Variants in EZH2 observed in about 807,000 individuals in gnomAD.
EZH2 encodes enhancer of zeste 2 polycomb repressive complex 2 subunit.
A neutral mutation model predicts 98.4 loss-of-function variants in EZH2; 18 were observed. That is an observed-to-expected ratio of 0.18 (90% CI 0.13 to 0.27). The LOEUF (loss-of-function observed/expected upper bound fraction) is 0.27, where lower values mean the gene tolerates loss of function less well. EZH2 is among the 10% of genes least tolerant of loss of function. The probability of loss-of-function intolerance (pLI) is 1.00; values close to 1 mark genes in which losing one functional copy is unlikely to be tolerated. For missense variants in EZH2, 470 were observed against 935.1 expected (o/e 0.50, Z 6.49); for synonymous variants, 338 against 312.3 (o/e 1.08, Z -0.87).
At chr7:148,840,162 A>G (rs1812066780) in intron 3 of EZH2, among the ~76,000 whole-genome samples, 1 of 152,212 alleles carries the variant, frequency 6.6e-6, no homozygotes, top group African/African-American at 2.4e-5. Context: ...AAACATGCAT[A>G]TCATCTTGAT....
Position 148,807,578 on chromosome 7 carries a change from C to T in EZH2, c.*68G>A. ...AACTGCATGTTCTTTTTCTAAATTG[C>T]CCACAGTACTCGAGGTTCCTGAAGC... On this transcript the variant is annotated 3_prime_UTR_variant, in exon 20 of 20. Coordinates refer to ENST00000320356, the MANE Select transcript of EZH2 (RefSeq NM_004456.5). 3 of 1,244,458 alleles carry T rather than the reference C, an allele frequency of 2.4e-6. No homozygotes were observed. The highest frequency in any genetic ancestry group is 2.3e-6 in the Non-Finnish European group (2 of 865,860). The allele number at this position is 1,244,458 out of a possible 1,614,324, so 77.1% of individuals were successfully genotyped here.
At chr7:148,836,950 A>G in intron 3 of EZH2, 1 of 509,374 alleles carries the variant, frequency 2.0e-6, no homozygotes, top group South Asian at 1.5e-5. Flanking sequence ...GGCTGGTTCC[A>G]AGTAAAAACT....
intron 1 of EZH2, chr7:148,876,026 T>A (rs1381265373): frequency 3.3e-5 from 5 of 152,298 alleles, no homozygotes; most frequent in Admixed American, 3.3e-4. Context: ...TAGCTGGGCA[T>A]GGTGGTACAT....
At chr7:148,878,368 T>C (rs935338149) in intron 1 of EZH2, among the ~76,000 whole-genome samples, 2 of 152,354 alleles carry the variant, frequency 1.3e-5, no homozygotes, top group South Asian at 2.1e-4. Flanking sequence ...TACAATTTTG[T>C]ATTTTTGTAC....
chr7:148,837,946 G>C (rs1811325411), intron 3 of EZH2, among the ~76,000 whole-genome samples: 3 of 152,144 alleles, frequency 2.0e-5, no homozygotes, highest in East Asian at 1.9e-4. Context: ...AAGGGTATTT[G>C]CTTCTCAGTT....
intron 1 of EZH2, among the ~76,000 whole-genome samples, chr7:148,856,994 G>GA (rs1022678543): frequency 1.1e-3 from 162 of 151,894 alleles, no homozygotes; most frequent in African/African-American, 3.5e-3. Flanking sequence ...ATGTTTCTGT[G>GA]AAAAAAAACC....
intron 3 of EZH2, among the ~76,000 whole-genome samples, chr7:148,837,995 G>A (rs993014336): frequency 1.3e-5 from 2 of 152,012 alleles, no homozygotes; most frequent in African/African-American, 4.8e-5. Context: ...ACATTCCAAG[G>A]GGCGGGGAAT....
At chr7:148,883,642 C>T (rs1313906079) in intron 1 of EZH2, 2 of 150,362 alleles carry the variant, frequency 1.3e-5, no homozygotes, top group Non-Finnish European at 3.0e-5. Context: ...CGCCGGCGGG[C>T]CCGGGTGTCA....
chr7:148,825,563 C>A (rs1807454467), intron 8 of EZH2, among the ~76,000 whole-genome samples: 1 of 152,106 alleles, frequency 6.6e-6, no homozygotes, highest in Non-Finnish European at 1.5e-5. Flanking sequence ...GGTACAGCTG[C>A]TTGGGCAAGC....
chr7:148,876,940 T>C (rs1028781229), intron 1 of EZH2, among the ~76,000 whole-genome samples: 1 of 152,158 alleles, frequency 6.6e-6, no homozygotes, highest in Non-Finnish European at 1.5e-5. Context: ...CAAATTAAAA[T>C]CCTTCCTCTA....
chr7:148,811,816 T>A, intron 15 of EZH2, 96 bp from the exon 16 acceptor site: 1 of 1,045,748 alleles, frequency 9.6e-7, no homozygotes, highest in Non-Finnish European at 1.4e-6. Context: ...GCTATCACTG[T>A]AAATCCTCAG....
chr7:148,856,147 C>CG (rs977588594), intron 1 of EZH2, among the ~76,000 whole-genome samples: 2 of 151,906 alleles, frequency 1.3e-5, no homozygotes, highest in Non-Finnish European at 2.9e-5. Flanking sequence ...AGCAGGAGGT[C>CG]GGGGGGAGCT....
Position 148,818,111 on chromosome 7 carries a change from C to A in EZH2, c.1006G>T (p.Ala336Ser). The change falls in exon 10 of 20, where the codon GCA becomes TCA. Residue 336 changes from alanine (A) to serine (S), a missense_variant. Physicochemically the swap from Ala to Ser is moderately conservative, Grantham distance 99. This residue lies in a region of EZH2 where 192 missense variants were observed against 306.8 expected (regional missense o/e 0.63). Transcript: ENST00000320356. ...GTGAGAGCAGCAGCAAACTCCTTTG[C>A]TCCCTCCTACGAAATGAAAAATGTC... ...GPQCYQHLEG[A>S]KEFAAALTAE... 6.4e-7 allele frequency: 1 copy of A among 1,567,310 alleles called. No homozygotes were observed. The highest frequency in any genetic ancestry group is 8.6e-7 in the Non-Finnish European group (1 of 1,160,086).
chr7:148,810,734 C>T (rs1466162772), intron 16 of EZH2, among the ~76,000 whole-genome samples: 2 of 151,860 alleles, frequency 1.3e-5, no homozygotes, highest in South Asian at 2.1e-4. Context: ...TTTGGGAGGC[C>T]GAGGCGGGCA....
chr7:148,826,542 C>G lies in EZH2; in HGVS notation c.819G>C (p.Gln273His). 1 of 1,601,860 alleles carries G rather than the reference C, an allele frequency of 6.2e-7. No homozygotes were observed. Among genetic ancestry groups the G allele is most frequent in the Non-Finnish European group, 8.5e-7 (1 of 1,172,342 alleles). ...GAAAGGAGTGTAAGCTTTGCTCTCT[C>G]TGAACAGATTTAGCATTTGGTCCAT... ...NIDGPNAKSV[Q>H]REQSLHSFHT... Residue 273 changes from glutamine to histidine, a missense_variant, in exon 8 of 20, where the codon CAG becomes CAC. Around this residue, in one of 6 missense-constraint regions of EZH2, gnomAD observed 192 missense variants for 306.8 expected, o/e 0.63. Coordinates refer to ENST00000320356, the MANE Select transcript of EZH2 (RefSeq NM_004456.5).
At chr7:148,822,426 C>G (rs1806406528) in intron 8 of EZH2, among the ~76,000 whole-genome samples, 1 of 151,842 alleles carries the variant, frequency 6.6e-6, no homozygotes, top group African/African-American at 2.4e-5. Flanking sequence ...ACAAGAATCC[C>G]TTGAACCCAG....
At position 148,824,005 on chromosome 7, in the gene EZH2, C is replaced by T. The variant is rs528711941; in HGVS notation, c.907+2449G>A. Among the ~76,000 whole-genome samples the T allele has an allele frequency of 1.1e-3, 173 of 152,124 alleles. 4 individuals are homozygous for T. The South Asian group carries it at 0.035, about 31-fold the overall frequency. Reference sequence around the variant, plus strand: ...AAGATAAGAGACCAGAAAACTAAAGCACAAAATGCTATATTCAACATAAAA... The same window carrying T: ...AAGATAAGAGACCAGAAAACTAAAGTACAAAATGCTATATTCAACATAAAA... On this transcript the variant is annotated intron_variant, in intron 8 of 19. Transcript: ENST00000320356.
At chr7:148,837,453 C>T (rs1034490380) in intron 3 of EZH2, among the ~76,000 whole-genome samples, 3 of 152,178 alleles carry the variant, frequency 2.0e-5, no homozygotes, top group African/African-American at 7.2e-5. Context: ...TCTGAAACTA[C>T]CCTATATTCT....
chr7:148,871,092 A>C (rs970621196), intron 1 of EZH2, among the ~76,000 whole-genome samples: 7 of 152,328 alleles, frequency 4.6e-5, no homozygotes, highest in African/African-American at 1.7e-4. Context: ...GGGGTGAATA[A>C]ACATGAAGGA....
Sources: allele counts gnomAD v4.1 joint callset (sites outside exome capture counted in the v4.1 genomes callset), GRCh38; gene constraint gnomAD v4.1.1; regional missense constraint gnomAD v4.1.1; transcripts MANE v1.5; gene names NCBI Gene and HGNC (gene_info 2026-07-23, HGNC 2026-07-21).